The following FAM186A variants were observed in gnomAD, a reference collection of about 807,000 sequenced individuals.
FAM186A encodes the protein protein FAM186A.
In FAM186A, 163 loss-of-function variants were observed where a neutral mutation model predicts 216.8. The ratio of observed to expected loss-of-function variants is 0.75; its 90% CI spans 0.66 to 0.86. The LOEUF (loss-of-function observed/expected upper bound fraction) is 0.86. Among genes scored for constraint, FAM186A ranks in the 40% least tolerant of loss-of-function variants. The probability of loss-of-function intolerance (pLI) is 0.00; values close to 1 mark genes in which losing one functional copy is unlikely to be tolerated. For synonymous variants in FAM186A, 805 were observed against 1,025.3 expected (o/e 0.79, Z 4.10); for missense variants, 2,184 against 2,746.2 (o/e 0.80, Z 4.58).
intron 1 of FAM186A, chr12:50,365,727 C>T (rs1943081026): frequency 9.3e-6 from 7 of 752,314 alleles, no homozygotes; most frequent in Admixed American, 3.4e-5. Context: ...TTCCCACATT[C>T]GCAGGAAGAT....
rs551367890 is a variant in FAM186A at position 50,386,586 on chromosome 12, G to A, written c.192+9707C>T. 2.0e-5 allele frequency among the ~76,000 whole-genome samples: 3 copies of A among 151,346 alleles called. No homozygotes were observed. In the South Asian group the frequency reaches 6.3e-4, roughly 32 times the overall value. On this transcript the variant is annotated intron_variant, in intron 1 of 7. Transcript: ENST00000327337. Reference sequence around the variant, plus strand: ...ACTCAATACAGAAAAAGAACATTTTGGCCGGGCTCATGCCTGTAATCCCAG... The same window carrying A: ...ACTCAATACAGAAAAAGAACATTTTAGCCGGGCTCATGCCTGTAATCCCAG...
chr12:50,361,009 ACTC>A, intron 2 of FAM186A, 83 bp from the exon 3 acceptor site: 1 of 1,026,434 alleles, frequency 9.7e-7, no homozygotes, highest in Non-Finnish European at 1.4e-6. Context: ...TTGGGTAACT[ACTC>A]AATACAGTAA....
At position 50,351,996 on chromosome 12, in the gene FAM186A, C is replaced by A. The variant is rs766535208; in HGVS notation, c.4836G>T (p.Gly1612=). 14,191 of 443,030 alleles carry A rather than the reference C, an allele frequency of 0.032. 19 individuals are homozygous for A. The highest frequency in any genetic ancestry group is 0.1 in the Middle Eastern group (245 of 2,358). The allele number at this position is 443,030 out of a possible 1,614,324, so 27.4% of individuals were successfully genotyped here. The change falls in exon 4 of 8, where the codon GGG becomes GGT. Residue 1612 remains glycine (G), a synonymous_variant. Transcript: ENST00000327337. ...GGGCCTGCTGAGGGGTGAGAGGGATCCCCTGAGCCTGCGCCTGCTGAGGGG... is the reference window on the plus strand; with the variant it reads ...GGGCCTGCTGAGGGGTGAGAGGGATACCCTGAGCCTGCGCCTGCTGAGGGG... ...PLTPQQAQAQ[G]IPLTPQQAQA...
intron 5 of FAM186A, among the ~76,000 whole-genome samples, chr12:50,332,088 A>T (rs1273779201): frequency 6.6e-6 from 1 of 152,196 alleles, no homozygotes; most frequent in Non-Finnish European, 1.5e-5. Context: ...ATTTATCTGC[A>T]CTTCTTTCTC....
chr12:50,382,813 CCTT>C (rs907017585), intron 1 of FAM186A, among the ~76,000 whole-genome samples: 35 of 152,166 alleles, frequency 2.3e-4, no homozygotes, highest in African/African-American at 8.2e-4. Flanking sequence ...TCAACTGTCT[CCTT>C]CTACCTCTGC....
At position 50,351,543 on chromosome 12, in the gene FAM186A, T is replaced by A; in HGVS notation, c.5289A>T (p.Ser1763=). Residue 1763 remains serine, a synonymous_variant, in exon 4 of 8, where the codon TCA becomes TCT. Transcript: ENST00000327337. ...FGVSSTPLQI[S]RVPLNQGPFA... ...AGGGGCCTTGGTTGAGGGGAACCCT[T>A]GATATCTGCAAAGGAGTAGAAGAGA... The A allele has an allele frequency of 6.5e-7, 1 of 1,535,512 alleles. No homozygotes were observed. The highest frequency in any genetic ancestry group is 8.8e-7 in the Non-Finnish European group (1 of 1,139,816).
intron 1 of FAM186A, 115 bp from the exon 2 acceptor site, chr12:50,363,479 G>T: frequency 1.1e-6 from 1 of 905,786 alleles, no homozygotes; most frequent in Non-Finnish European, 1.6e-6. Flanking sequence ...TTAAAGTCTT[G>T]CTAATTCTAG....
At chr12:50,369,096 T>C (rs1419748044) in intron 1 of FAM186A, among the ~76,000 whole-genome samples, 1 of 151,936 alleles carries the variant, frequency 6.6e-6, no homozygotes, top group African/African-American at 2.4e-5. Flanking sequence ...CTAACACTTA[T>C]AAAACACTTA....
chr12:50,338,357 C>T (rs1226836732), intron 4 of FAM186A, among the ~76,000 whole-genome samples: 1 of 151,990 alleles, frequency 6.6e-6, no homozygotes, highest in Non-Finnish European at 1.5e-5. Flanking sequence ...TGCACCACCA[C>T]GCCCATCTAA....
rs761469336 is a variant in FAM186A at position 50,352,631 on chromosome 12, T to C, written c.4201A>G (p.Thr1401Ala). The change falls in exon 4 of 8, where the codon ACT becomes GCT. Residue 1401 changes from threonine (T) to alanine (A), a missense_variant. By Grantham distance (58) the Thr-to-Ala change is moderately conservative. Around this residue, in one of 7 missense-constraint regions of FAM186A, gnomAD observed 267 missense variants for 446.2 expected, o/e 0.60. Transcript: ENST00000327337. The stretch of plus-strand genomic sequence containing the variant: ...ATCCCCAGTTCCTGAGCCTGCTGAG[T>C]GGTGAGAGGCATCCCCAAGGCCTGA... ...QAQALGMPLT[T>A]QQAQELGIPL... The C allele has an allele frequency of 1.2e-5, 13 of 1,085,020 alleles. No individual in the cohort carries two copies. In the Admixed American group the frequency reaches 5.9e-4, roughly 50 times the overall value. 67.2% of individuals were successfully genotyped at this position (1,085,020 alleles called of 1,614,324 possible). A position where few individuals can be genotyped will look rare whatever the true frequency, so the allele number is the denominator to read the frequency against.
chr12:50,335,537 G>A lies in FAM186A; in HGVS notation c.6504-1434C>T, dbSNP rs142083215. Among the ~76,000 whole-genome samples the A allele has an allele frequency of 6.8e-3, 1,031 of 152,000 alleles. 6 individuals are homozygous for A. The highest frequency in any genetic ancestry group is 0.012 in the Non-Finnish European group (819 of 67,992). ...CAGGTGACTGTAATCCCAGCTACTT[G>A]GGAGGCTGAGGCAGAAGAATCACTT... On this transcript the variant is annotated intron_variant, in intron 4 of 7. Coordinates refer to ENST00000327337, the MANE Select transcript of FAM186A (RefSeq NM_001145475.3).
At chr12:50,386,564 C>T (rs1211684576) in intron 1 of FAM186A, among the ~76,000 whole-genome samples, 1 of 151,690 alleles carries the variant, frequency 6.6e-6, no homozygotes, top group African/African-American at 2.4e-5. Flanking sequence ...TTGGTCAACT[C>T]AATACAGAAA....
At chr12:50,379,494 A>C (rs1285888995) in intron 1 of FAM186A, among the ~76,000 whole-genome samples, 4 of 140,186 alleles carry the variant, frequency 2.9e-5, no homozygotes, top group Admixed American at 7.2e-5. Flanking sequence ...ACAAAAAAAA[A>C]CTAAAGCACA....
chr12:50,388,523 G>A (rs533407765), intron 1 of FAM186A, among the ~76,000 whole-genome samples: 107 of 151,948 alleles, frequency 7.0e-4, no homozygotes, highest in Non-Finnish European at 1.4e-3. Context: ...GGAGGCTGAG[G>A]CAGGAGAATC....
At position 50,392,328 on chromosome 12, in the gene FAM186A, A is replaced by G. The variant is rs746960919; in HGVS notation, c.192+3965T>C. 4.4e-5 allele frequency: 7 copies of G among 158,294 alleles called. 1 individual carries two copies. The highest frequency in any genetic ancestry group is 9.6e-5 in the Non-Finnish European group (7 of 73,216). The allele number at this position is 158,294 out of a possible 1,614,324, so 9.8% of individuals were successfully genotyped here. A position where few individuals can be genotyped will look rare whatever the true frequency, so the allele number is the denominator to read the frequency against. On this transcript the variant is annotated intron_variant, in intron 1 of 7. Coordinates refer to ENST00000327337, the MANE Select transcript of FAM186A (RefSeq NM_001145475.3). Reference sequence around the variant, plus strand: ...AGTCTCGCTCTGTCGCCCAGGCTACAGTGCACTGGCGCGATCTTGGCTCAC... The same window carrying G: ...AGTCTCGCTCTGTCGCCCAGGCTACGGTGCACTGGCGCGATCTTGGCTCAC...
chr12:50,341,555 G>A (rs919666324), intron 4 of FAM186A, among the ~76,000 whole-genome samples: 5 of 152,148 alleles, frequency 3.3e-5, no homozygotes, highest in Non-Finnish European at 7.4e-5. Context: ...TTGAGAAAGC[G>A]ACCTGACACA....
At chr12:50,338,547 A>G (rs1942733449) in intron 4 of FAM186A, among the ~76,000 whole-genome samples, 2 of 152,198 alleles carry the variant, frequency 1.3e-5, no homozygotes, top group African/African-American at 4.8e-5. Context: ...TTTACATGCA[A>G]CACATTTAAG....
At position 50,384,287 on chromosome 12, in the gene FAM186A, A is replaced by G. The variant is rs570599454; in HGVS notation, c.192+12006T>C. 2.8e-4 allele frequency among the ~76,000 whole-genome samples: 43 copies of G among 152,024 alleles called. No homozygotes were observed. In the South Asian group the frequency reaches 8.9e-3, roughly 32 times the overall value. ...CTGTCTCTACAAAAATTAAAAAAAA[A>G]ATCAACTGGGTGTGGTAGTCCTAGA... is the stretch of plus-strand genomic sequence containing the variant. On this transcript the variant is annotated intron_variant, in intron 1 of 7. Transcript: ENST00000327337.
At position 50,351,362 on chromosome 12, in the gene FAM186A, G is replaced by A; in HGVS notation, c.5470C>T (p.Gln1824Ter). ...GGAGGGGCCCGAGATATTGGGAGCTGCCCAGGGGAGGGAGGGGCCTGTGGT... is the reference window on the plus strand; with the variant it reads ...GGAGGGGCCCGAGATATTGGGAGCTACCCAGGGGAGGGAGGGGCCTGTGGT... ...PAPQAPPSPGQLPISRAPPTP... is the reference protein window; with the variant it reads ...PAPQAPPSPG Residue 1824 changes from glutamine to a stop codon, truncating the protein, a stop_gained, in exon 4 of 8, where the codon CAG becomes TAG. Coordinates refer to ENST00000327337, the MANE Select transcript of FAM186A (RefSeq NM_001145475.3). LOFTEE classifies it high-confidence loss of function. 1 of 1,479,778 alleles carries A rather than the reference G, an allele frequency of 6.8e-7. No individual in the cohort carries two copies. The highest frequency in any genetic ancestry group is 8.9e-7 in the Non-Finnish European group (1 of 1,117,326). The allele number at this position is 1,479,778 out of a possible 1,614,324, so 91.7% of individuals were successfully genotyped here.
Sources: allele counts gnomAD v4.1 joint callset (sites outside exome capture counted in the v4.1 genomes callset), GRCh38; gene constraint gnomAD v4.1.1; regional missense constraint gnomAD v4.1.1; transcripts MANE v1.5; gene names NCBI Gene and HGNC (gene_info 2026-07-23, HGNC 2026-07-21).